The following MOB3B variants were observed in gnomAD, a reference collection of about 807,000 sequenced individuals.
The protein encoded by MOB3B is MOB kinase activator-like 2B.
Under a neutral mutation model 18.7 loss-of-function variants are expected in MOB3B, and 7 were observed. The observed-to-expected ratio is 0.37, with a 90% CI of 0.21 to 0.70. The LOEUF (loss-of-function observed/expected upper bound fraction) is 0.70, where lower values mean the gene tolerates loss of function less well. Among genes scored for constraint, MOB3B ranks in the 30% least tolerant of loss-of-function variants. The pLI is 0.52. For synonymous variants in MOB3B, 111 were observed against 99.9 expected, an observed-to-expected ratio of 1.11 and a Z score of -0.66; for missense variants, 253 against 281.3, an observed-to-expected ratio of 0.90 and a Z score of 0.72.
At chr9:27,449,509 G>T (rs938530199) in intron 2 of MOB3B, among the ~76,000 whole-genome samples, 3 of 152,168 alleles carry the variant, frequency 2.0e-5, no homozygotes, top group African/African-American at 7.2e-5. Context: ...TAGAGATAAA[G>T]TCACACAGCA....
In MOB3B at chr9:27,524,911, G is replaced by A. The variant is rs574777675; in HGVS notation, c.-199+4644C>T. 1.9e-6 allele frequency: 3 copies of A among 1,610,302 alleles called. No individual in the cohort carries two copies. In the South Asian group the frequency reaches 3.3e-5, roughly 18 times the overall value. On this transcript the variant is annotated intron_variant, in intron 1 of 3. Transcript: ENST00000262244. ...GAGATTGTCCGAGTGGAAATCAGAAGATGTTTGTATTACTTTTACAAATTT... is the reference window on the plus strand; with the variant it reads ...GAGATTGTCCGAGTGGAAATCAGAAAATGTTTGTATTACTTTTACAAATTT...
intron 2 of MOB3B, among the ~76,000 whole-genome samples, chr9:27,370,145 AGGTGG>A (rs886739778): frequency 6.5e-4 from 99 of 152,138 alleles, no homozygotes; most frequent in African/African-American, 2.2e-3. Context: ...TGGTACTAGG[AGGTGG>A]GGCCTTTGGG....
intron 1 of MOB3B, among the ~76,000 whole-genome samples, chr9:27,501,013 C>T (rs1287013929): frequency 6.6e-6 from 1 of 152,132 alleles, no homozygotes; most frequent in Non-Finnish European, 1.5e-5. Context: ...CTCATCATCA[C>T]TGGTCATTAG....
At chr9:27,334,167 T>A (rs921946966) in intron 3 of MOB3B, among the ~76,000 whole-genome samples, 1 of 152,238 alleles carries the variant, frequency 6.6e-6, no homozygotes, top group Admixed American at 6.5e-5. Flanking sequence ...TCAAATTGTA[T>A]AACAGGATGT....
intron 2 of MOB3B, among the ~76,000 whole-genome samples, chr9:27,451,966 G>A (rs1229243681): frequency 6.6e-6 from 1 of 152,146 alleles, no homozygotes; most frequent in Admixed American, 6.5e-5. Context: ...GTGAGCAGGA[G>A]GTTGAAGACT....
intron 2 of MOB3B, among the ~76,000 whole-genome samples, chr9:27,420,881 A>C (rs1192199934): frequency 1.0e-4 from 11 of 106,466 alleles, no homozygotes; most frequent in African/African-American, 2.9e-4. Flanking sequence ...AAATCTCACA[A>C]ATCACCACTA....
chr9:27,402,195 C>T (rs78774154), intron 2 of MOB3B, among the ~76,000 whole-genome samples: 23 of 152,160 alleles, frequency 1.5e-4, no homozygotes, highest in East Asian at 3.8e-4. Flanking sequence ...AGTCAATAAA[C>T]GGTAAACATT....
chr9:27,407,042 T>C (rs770710897), intron 2 of MOB3B, among the ~76,000 whole-genome samples: 20 of 152,266 alleles, frequency 1.3e-4, no homozygotes, highest in Non-Finnish European at 2.6e-4. Flanking sequence ...TTTCACCATG[T>C]TGGCCAGGTT....
chr9:27,338,532 G>A (rs1820895820), intron 3 of MOB3B, among the ~76,000 whole-genome samples: 1 of 152,150 alleles, frequency 6.6e-6, no homozygotes, highest in Admixed American at 6.5e-5. Context: ...GCTGCTTGCT[G>A]CAGGGAAATC....
intron 2 of MOB3B, among the ~76,000 whole-genome samples, chr9:27,401,202 C>A (rs1290394195): frequency 6.6e-6 from 1 of 152,180 alleles, no homozygotes; most frequent in Admixed American, 6.5e-5. Flanking sequence ...TGGAGCCATT[C>A]CCTTCTGTTT....
chr9:27,522,300 C>T (rs1348662194), intron 1 of MOB3B, among the ~76,000 whole-genome samples: 2 of 145,090 alleles, frequency 1.4e-5, no homozygotes, highest in Non-Finnish European at 3.0e-5. Context: ...GAAATACTTG[C>T]TCACCACAGA....
intron 1 of MOB3B, among the ~76,000 whole-genome samples, chr9:27,528,773 A>G (rs544966692): frequency 9.9e-4 from 144 of 146,192 alleles, no homozygotes; most frequent in African/African-American, 3.4e-3. Context: ...GTCAGGAAAG[A>G]GCGCGAGGGG....
intron 2 of MOB3B, among the ~76,000 whole-genome samples, chr9:27,415,867 A>G (rs1822138755): frequency 6.6e-6 from 1 of 152,172 alleles, no homozygotes; most frequent in South Asian, 2.1e-4. Flanking sequence ...CTGCAATACG[A>G]GTGGATTTTA....
chr9:27,492,448 G>A (rs1488854353), intron 1 of MOB3B, among the ~76,000 whole-genome samples: 1 of 152,144 alleles, frequency 6.6e-6, no homozygotes, highest in African/African-American at 2.4e-5. Context: ...CAAAGAAATA[G>A]GCCCAGGTAT....
chr9:27,396,034 A>G (rs1821792949), intron 2 of MOB3B, among the ~76,000 whole-genome samples: 1 of 152,148 alleles, frequency 6.6e-6, no homozygotes, highest in Non-Finnish European at 1.5e-5. Flanking sequence ...TACTGAGCAC[A>G]AGGTGCCTGG....
chr9:27,489,411 T>C (rs539190063), intron 1 of MOB3B, among the ~76,000 whole-genome samples: 2 of 152,292 alleles, frequency 1.3e-5, no homozygotes, highest in South Asian at 4.1e-4. Flanking sequence ...AGCAGTAAAA[T>C]AGACTTCAGT....
At chr9:27,512,403 AC>A (rs756477473) in intron 1 of MOB3B, among the ~76,000 whole-genome samples, 62 of 152,218 alleles carry the variant, frequency 4.1e-4, no homozygotes, top group Non-Finnish European at 8.4e-4. Context: ...TCATAAAATA[AC>A]TAAATAATCT....
intron 2 of MOB3B, among the ~76,000 whole-genome samples, chr9:27,410,375 T>C (rs4879470): frequency 0.21 from 32,559 of 152,074 alleles, 4,484 homozygotes; most frequent in East Asian, 0.67. Context: ...ATGAAGATGA[T>C]GGCATGGGAA....
At chr9:27,487,636 C>T (rs1373260274) in intron 1 of MOB3B, among the ~76,000 whole-genome samples, 1 of 152,068 alleles carries the variant, frequency 6.6e-6, no homozygotes, top group Admixed American at 6.6e-5. Flanking sequence ...ATTTCCTTTC[C>T]AGCTGATCTA....
Sources: allele counts gnomAD v4.1 joint callset (sites outside exome capture counted in the v4.1 genomes callset), GRCh38; gene constraint gnomAD v4.1.1; transcripts MANE v1.5; gene names NCBI Gene and HGNC (gene_info 2026-07-23, HGNC 2026-07-21).